USP28: variants seen among roughly 807,000 people sequenced by gnomAD.
USP28 encodes the protein ubiquitin specific peptidase 28, also known as ubiquitin carboxyl-terminal hydrolase 28.
USP28 carries 113 observed loss-of-function variants against 145.0 expected under a neutral mutation model. The observed-to-expected ratio is 0.78, with a 90% confidence interval of 0.67 to 0.91. The LOEUF is 0.91. Ranked by LOEUF, USP28 falls within the 40% of genes least tolerant of loss-of-function variation. USP28 has a pLI of 0.00. For missense variants in USP28, 1,201 were observed against 1,289.6 expected, an observed-to-expected ratio of 0.93 and a Z score of 1.05; for synonymous variants, 447 against 450.9, an observed-to-expected ratio of 0.99 and a Z score of 0.11.
At chr11:113,855,961 C>A (rs564125971) in intron 1 of USP28, among the ~76,000 whole-genome samples, 1 of 152,228 alleles carries the variant, frequency 6.6e-6, no homozygotes, top group Non-Finnish European at 1.5e-5. Flanking sequence ...AGTCGTTCTG[C>A]TGTAGTCAGA....
At chr11:113,847,875 C>A (rs11214741) in intron 3 of USP28, among the ~76,000 whole-genome samples, 3 of 151,928 alleles carry the variant, frequency 2.0e-5, no homozygotes, top group East Asian at 1.9e-4. Flanking sequence ...AAGGACACCC[C>A]TTCAGTGTGG....
At chr11:113,854,462 CCGGATCT>C (rs1946823440) in intron 1 of USP28, 127 bp from the exon 2 acceptor site, 4 of 799,344 alleles carry the variant, frequency 5.0e-6, no homozygotes, top group Non-Finnish European at 5.8e-6. Flanking sequence ...AGTGCAGTGG[CCGGATCT>C]CGGCTCACTG....
chr11:113,853,743 C>T (rs188873905), intron 2 of USP28, among the ~76,000 whole-genome samples: 45 of 151,766 alleles, frequency 3.0e-4, no homozygotes, highest in Non-Finnish European at 4.7e-4. Context: ...GGTGTGGTGG[C>T]GCATGCCTGT....
At chr11:113,856,535 G>A (rs1380401850) in intron 1 of USP28, among the ~76,000 whole-genome samples, 1 of 152,038 alleles carries the variant, frequency 6.6e-6, no homozygotes. Flanking sequence ...TATGACATAG[G>A]TATTACGCCT....
chr11:113,803,012 TC>T (rs1307782914), intron 23 of USP28, 145 bp downstream of exon 24: 2 of 861,494 alleles, frequency 2.3e-6, no homozygotes, highest in African/African-American at 3.5e-5. Flanking sequence ...AAAAACCTGT[TC>T]CAATGTAAAA....
At chr11:113,807,810 G>T in intron 18 of USP28, 141 bp downstream of exon 19, 1 of 484,660 alleles carries the variant, frequency 2.1e-6, no homozygotes, top group Non-Finnish European at 2.7e-6. Flanking sequence ...GGTAACTAAG[G>T]TCAAAACCAA....
intron 16 of USP28, among the ~76,000 whole-genome samples, chr11:113,810,974 C>A (rs191776892): frequency 6.6e-6 from 1 of 152,164 alleles, no homozygotes; most frequent in African/African-American, 2.4e-5. Context: ...CATGCCGGGG[C>A]GATGTTTCCT....
exon 1 of USP28, chr11:113,875,527 C>A: frequency 8.7e-7 from 1 of 1,149,634 alleles, no homozygotes; most frequent in Non-Finnish European, 1.1e-6. Context: ...CCGCGGGTCA[C>A]CGGTCTCCCG....
intron 1 of USP28, among the ~76,000 whole-genome samples, chr11:113,873,283 AG>A (rs1340479202): frequency 2.6e-5 from 4 of 152,220 alleles, no homozygotes; most frequent in Non-Finnish European, 5.9e-5. Context: ...CAAAAATAAA[AG>A]GGGCAAACAT....
exon 25 of USP28, chr11:113,798,499 T>G (rs1365820000): frequency 6.6e-6 from 1 of 152,518 alleles, no homozygotes; most frequent in Non-Finnish European, 1.5e-5. Flanking sequence ...TTGACAATTT[T>G]TAGGTATTAG....
intron 1 of USP28, among the ~76,000 whole-genome samples, chr11:113,868,658 C>T (rs1345098520): frequency 6.6e-6 from 1 of 152,126 alleles, no homozygotes; most frequent in East Asian, 1.9e-4. Context: ...CCATGGTTCA[C>T]GCCTGTAATC....
At chr11:113,799,519 A>C in intron 24 of USP28, 104 bp from the exon 26 acceptor site, 1 of 1,296,756 alleles carries the variant, frequency 7.7e-7, no homozygotes, top group Non-Finnish European at 1.0e-6. Context: ...AGGTCAAAGC[A>C]TTATGCTGGC....
intron 12 of USP28, 64 bp from the exon 13 acceptor site, chr11:113,817,901 C>T (rs1018233104): frequency 1.9e-6 from 3 of 1,549,146 alleles, no homozygotes; most frequent in African/African-American, 1.4e-5. Flanking sequence ...GAGTCGCTGA[C>T]AAAAGATCTG....
At position 113,804,977 on chromosome 11, in the gene USP28, G is replaced by A. The variant is rs905911526; in HGVS notation, c.2470C>T (p.Arg824Ter). 5.6e-6 allele frequency: 9 copies of A among 1,614,144 alleles called. No homozygotes were observed. The highest frequency in any genetic ancestry group is 1.1e-5 in the South Asian group (1 of 91,084). ...AAGTAGACAAGGACATGCTGAAGTC[G>A]AGGATCACTGTGAGAGGTGGGGGTC... The change falls in exon 20 of 25, where the codon CGA (arginine) becomes TGA (stop). Residue 824 changes from arginine to a stop codon, truncating the protein, a stop_gained. Coordinates refer to ENST00000003302, the Ensembl canonical transcript of USP28. LOFTEE classifies it high-confidence loss of function.
intron 14 of USP28, 97 bp from the exon 15 acceptor site, chr11:113,814,052 A>G: frequency 3.4e-6 from 3 of 876,184 alleles, no homozygotes; most frequent in Non-Finnish European, 5.2e-6. Context: ...CTAGGGTCCT[A>G]ATGATTTCAG....
intron 11 of USP28, among the ~76,000 whole-genome samples, chr11:113,826,339 T>A (rs1398441151): frequency 1.2e-4 from 1 of 8,260 alleles, no homozygotes; most frequent in African/African-American, 2.5e-4. Context: ...CCACACCCAT[T>A]TTTTTTTTTT....
intron 1 of USP28, among the ~76,000 whole-genome samples, chr11:113,857,527 G>A (rs1440512767): frequency 6.6e-6 from 1 of 152,140 alleles, no homozygotes; most frequent in Non-Finnish European, 1.5e-5. Context: ...AGTAAACCAT[G>A]TGGTACTAAC....
chr11:113,819,177 A>G (rs543736117), intron 12 of USP28, among the ~76,000 whole-genome samples: 2 of 151,138 alleles, frequency 1.3e-5, no homozygotes, highest in Non-Finnish European at 2.9e-5. Flanking sequence ...CAGCGGCACG[A>G]TCTCGGCTTA....
intron 3 of USP28, among the ~76,000 whole-genome samples, chr11:113,851,124 G>A (rs866411686): frequency 2.0e-5 from 3 of 151,954 alleles, no homozygotes; most frequent in South Asian, 2.1e-4. Context: ...AATATATGCC[G>A]GAATGCCAGC....
Sources: allele counts gnomAD v4.1 joint callset (sites outside exome capture counted in the v4.1 genomes callset), GRCh38; gene constraint gnomAD v4.1.1; transcripts MANE v1.5; gene names NCBI Gene and HGNC (gene_info 2026-07-23, HGNC 2026-07-21).